HUWE1: variants seen among roughly 807,000 people sequenced by gnomAD.
HUWE1 encodes HECT, UBA and WWE domain containing E3 ubiquitin protein ligase 1.
In HUWE1, 18 loss-of-function variants were observed where a neutral mutation model predicts 299.4. The ratio of observed to expected loss-of-function variants is 0.06; its 90% CI spans 0.04 to 0.09. The LOEUF (loss-of-function observed/expected upper bound fraction) is 0.09. Ranked by LOEUF, HUWE1 falls within the 10% of genes least tolerant of loss-of-function variation. The probability of loss-of-function intolerance (pLI) is 1.00; values close to 1 mark genes in which losing one functional copy is unlikely to be tolerated. For synonymous variants in HUWE1, 1,317 were observed against 1,286.1 expected (o/e 1.02, Z -0.51); for missense variants, 1,832 against 3,462.3 (o/e 0.53, Z 11.82).
In HUWE1 at chrX:53,568,798, T is replaced by C. The variant is rs781837215; in HGVS notation, c.6601A>G (p.Thr2201Ala). Residue 2201 changes from threonine (T) to alanine (A), a missense_variant, in exon 49 of 84, where the codon ACA becomes GCA. By Grantham distance (58) the Thr-to-Ala change is moderately conservative (BLOSUM62 0). Coordinates refer to ENST00000262854, the MANE Select transcript of HUWE1 (RefSeq NM_031407.7). ...ATGCCATTGTGCTGGGTCTTCGCTG[T>C]GGCACTGCTGTAGAAGCTGGAGGTG... ...PSTSSFYSSA[T>A]AKTQHNGMNN... is the part of the protein sequence containing the mutation. The C allele has an allele frequency of 8.3e-6, 10 of 1,207,812 alleles. No individual in the cohort carries two copies. Among genetic ancestry groups the C allele is most frequent in the Admixed American group, 2.2e-5 (1 of 45,663 alleles).
intron 3 of HUWE1, among the ~76,000 whole-genome samples, chrX:53,675,185 TA>T (rs782431899): frequency 8.4e-4 from 93 of 110,759 alleles, no homozygotes; most frequent in East Asian, 7.3e-3. Context: ...GGGTAGGGTA[TA>T]GGGGAGGAAA....
intron 37 of HUWE1, among the ~76,000 whole-genome samples, chrX:53,587,847 G>A (rs972665506): frequency 8.9e-6 from 1 of 111,788 alleles, no homozygotes; most frequent in Non-Finnish European, 1.9e-5. Context: ...TAGTTCCTAC[G>A]TTGGTTGGAT....
intron 47 of HUWE1, 148 bp from the exon 48 acceptor site, chrX:53,569,975 G>C (rs1478712388): frequency 1.1e-5 from 6 of 558,945 alleles, no homozygotes; most frequent in Middle Eastern, 3.9e-4. Flanking sequence ...AGAAGCCAAG[G>C]CTCAAAGATA....
Position 53,565,234 on chromosome X carries a change from T to C in HUWE1, c.6713A>G (p.Asn2238Ser). The C allele has an allele frequency of 8.3e-7, 1 of 1,207,087 alleles. No individual in the cohort carries two copies. Among genetic ancestry groups the C allele is most frequent in the Non-Finnish European group, 1.1e-6 (1 of 892,076 alleles). Residue 2238 changes from asparagine (N) to serine (S), a missense_variant, in exon 50 of 84, where the codon AAC becomes AGC. This residue lies in a region of HUWE1 where 157 missense variants were observed against 252.3 expected (regional missense o/e 0.62). Transcript: ENST00000262854. ...AGCAGCATTGACTGTGTTGGCCATG[T>C]TGGGACTGAGATAAGGGAAGATAAA... ...VPHSLDLSSPNMANTVNAALK... is the reference protein window; with the variant it reads ...VPHSLDLSSPSMANTVNAALK...
chrX:53,665,995 AAAAT>A (rs1557047413), intron 3 of HUWE1, among the ~76,000 whole-genome samples: 1 of 111,895 alleles, frequency 8.9e-6, no homozygotes, highest in Non-Finnish European at 1.9e-5. Flanking sequence ...GTCTCTACAA[AAAAT>A]AAATAAAAAT....
At chrX:53,569,933 A>T in intron 47 of HUWE1, 106 bp from the exon 48 acceptor site, 1 of 674,691 alleles carries the variant, frequency 1.5e-6, no homozygotes, top group Non-Finnish European at 2.4e-6. Flanking sequence ...AAGTCACCCA[A>T]TGAGTGATTA....
At chrX:53,651,402 G>GA (rs2149325494) in intron 4 of HUWE1, among the ~76,000 whole-genome samples, 1 of 111,026 alleles carries the variant, frequency 9.0e-6, no homozygotes, top group East Asian at 2.8e-4. Flanking sequence ...TGTATCCACT[G>GA]GGGATTGATT....
chrX:53,535,728 A>C (rs1264479588), intron 80 of HUWE1, among the ~76,000 whole-genome samples: 1 of 111,684 alleles, frequency 9.0e-6, no homozygotes, highest in African/African-American at 3.3e-5. Flanking sequence ...CCTACAAAAA[A>C]GGCAGAAGAG....
intron 2 of HUWE1, among the ~76,000 whole-genome samples, chrX:53,684,684 T>C (rs1445470138): frequency 8.9e-6 from 1 of 112,272 alleles, no homozygotes; most frequent in Non-Finnish European, 1.9e-5. Flanking sequence ...GGACTAACAT[T>C]TAAAAGACGT....
rs912633540 is a variant in HUWE1, at chrX:53,584,075, A to C, written c.5161+111T>G. ...AGATGAAAAAGCATAAGGGAGGCCT[A>C]CGTATCTTTAATCTGTTAATCAAGC... On this transcript the variant is annotated intron_variant, in intron 41 of 83. Coordinates refer to ENST00000262854, the MANE Select transcript of HUWE1 (RefSeq NM_031407.7). The C allele has an allele frequency of 1.8e-5, 15 of 840,197 alleles. No homozygotes were observed. The African/African-American group carries it at 3.0e-4, about 17-fold the overall frequency. The allele number at this position is 840,197 out of a possible 1,213,427, so 69.2% of individuals were successfully genotyped here. A position where few individuals can be genotyped will look rare whatever the true frequency, so the allele number is the denominator to read the frequency against.
In HUWE1 at chrX:53,667,938, G is replaced by A. The variant is rs781915383; in HGVS notation, c.-25+12111C>T. ...AGAAAGTTAAGACACTGTCTATCTA[G>A]CCATGACAATGTTTTCCCTTGTATT... On this transcript the variant is annotated intron_variant, in intron 3 of 83. Coordinates refer to ENST00000262854, the MANE Select transcript of HUWE1 (RefSeq NM_031407.7). Among the ~76,000 whole-genome samples, 4 of 111,572 alleles carry A rather than the reference G, an allele frequency of 3.6e-5. No homozygotes were observed. In the East Asian group the frequency reaches 1.1e-3, roughly 31 times the overall value.
chrX:53,610,967 C>CA (rs1338774672), intron 23 of HUWE1, among the ~76,000 whole-genome samples: 2 of 110,384 alleles, frequency 1.8e-5, no homozygotes, highest in Non-Finnish European at 3.8e-5. Flanking sequence ...CCAGCAATAT[C>CA]AGATTTTCTG....
Position 53,648,315 on chromosome X carries a change from G to C in HUWE1, c.46-5C>G, listed in dbSNP as rs781938825. ...TAAGGCTCTGCAGTCTGCAGGCTGA[G>C]AAAAGAAAAGTATTCACAAAAGATG... is the stretch of plus-strand genomic sequence containing the variant. On this transcript the variant is annotated splice_region_variant and splice_polypyrimidine_tract_variant and intron_variant, in intron 4 of 83. Coordinates refer to ENST00000262854, the MANE Select transcript of HUWE1 (RefSeq NM_031407.7). 1 of 1,100,203 alleles carries C rather than the reference G, an allele frequency of 9.1e-7. No individual in the cohort carries two copies. The highest frequency in any genetic ancestry group is 1.8e-5 in the South Asian group (1 of 54,208). The allele number at this position is 1,100,203 out of a possible 1,213,427, so 90.7% of individuals were successfully genotyped here.
At position 53,534,703 on chromosome X, in the gene HUWE1, G is replaced by A. The variant is rs374227391; in HGVS notation, c.12650-6C>T. On this transcript the variant is annotated splice_polypyrimidine_tract_variant and splice_region_variant and intron_variant, in intron 81 of 83. Coordinates refer to ENST00000262854, the MANE Select transcript of HUWE1 (RefSeq NM_031407.7). ...CAACTGCTTGCGGATGGCTCCTGGT[G>A]AGATAACCAAAAAGCCAAATGACTT... The A allele has an allele frequency of 1.4e-4, 166 of 1,206,491 alleles. No individual in the cohort carries two copies. The highest frequency in any genetic ancestry group is 1.7e-4 in the Non-Finnish European group (150 of 893,319).
Position 53,590,395 on chromosome X carries a change from CAT to C in HUWE1, c.4191+7_4191+8del. The C allele has an allele frequency of 3.5e-6, 4 of 1,140,592 alleles. No homozygotes were observed. The highest frequency in any genetic ancestry group is 4.8e-6 in the Non-Finnish European group (4 of 830,380). 94.0% of individuals were successfully genotyped at this position (1,140,592 alleles called of 1,213,427 possible). ...CCAAGCCCTTTAGGATGCAGTGTTC[CAT>C]AGTTACCTCAGGTGACTCTGCCCTT... On this transcript the variant is annotated splice_region_variant and intron_variant, in intron 35 of 83. Coordinates refer to ENST00000262854, the MANE Select transcript of HUWE1 (RefSeq NM_031407.7).
chrX:53,551,244 C>T (rs1556928611), intron 64 of HUWE1, 22 bp downstream of exon 64: 4 of 1,209,866 alleles, frequency 3.3e-6, no homozygotes, highest in Non-Finnish European at 2.2e-6. Flanking sequence ...AGCCTGGCCC[C>T]ACCACCTTCC....
intron 3 of HUWE1, among the ~76,000 whole-genome samples, chrX:53,661,322 C>T (rs1045656278): frequency 3.6e-5 from 4 of 112,278 alleles, no homozygotes; most frequent in Non-Finnish European, 7.5e-5. Flanking sequence ...GCGTGAGCCA[C>T]GGCACCCAGC....
intron 10 of HUWE1, 28 bp downstream of exon 10, chrX:53,631,539 C>T (rs782093171): frequency 6.8e-6 from 8 of 1,184,917 alleles, no homozygotes; most frequent in South Asian, 1.8e-5. Flanking sequence ...CATTAAGAAA[C>T]GAGCCAAGAG....
chrX:53,594,245 C>G (rs2064329608), intron 31 of HUWE1, among the ~76,000 whole-genome samples: 1 of 112,215 alleles, frequency 8.9e-6, no homozygotes, highest in African/African-American at 3.2e-5. Context: ...AAAACCCATA[C>G]TTGGAACTGG....
Sources: gnomAD v4.1 joint callset for allele counts (sites outside exome capture counted in the v4.1 genomes callset) on GRCh38, gnomAD v4.1.1 for gene constraint, gnomAD v4.1.1 regional missense constraint, MANE v1.5 for transcripts, NCBI Gene and HGNC (gene_info 2026-07-23, HGNC 2026-07-21) for gene names.